The following ZMYM1 variants were observed in gnomAD, a reference collection of about 807,000 sequenced individuals.
ZMYM1 encodes zinc finger MYM-type containing 1, also known as zinc finger MYM-type protein 1.
In ZMYM1, 39 loss-of-function variants were observed where a neutral mutation model predicts 60.0. The observed-to-expected ratio is 0.65, with a 90% confidence interval of 0.50 to 0.85. The LOEUF is 0.85. Ranked by LOEUF, ZMYM1 falls within the 40% of genes least tolerant of loss-of-function variation. The pLI, the probability that ZMYM1 is intolerant of heterozygous loss-of-function variation, is 0.00. For missense variants in ZMYM1, 1,171 were observed against 1,309.5 expected (o/e 0.89, Z 1.63); for synonymous variants, 413 against 454.0 (o/e 0.91, Z 1.15).
intron 7 of ZMYM1, 120 bp downstream of exon 7, chr1:35,110,567 C>G (rs1644054243): frequency 1.1e-6 from 1 of 871,366 alleles, no homozygotes; most frequent in Non-Finnish European, 1.5e-6. Context: ...TCAAAACAAT[C>G]TAAACTTGTT....
chr1:35,107,201 C>T (rs1260674033), intron 6 of ZMYM1, among the ~76,000 whole-genome samples: 1 of 148,194 alleles, frequency 6.7e-6, no homozygotes, highest in Non-Finnish European at 1.5e-5. Context: ...TGGGTCACGC[C>T]TGTAATCCCA....
At chr1:35,074,777 A>C (rs1284426278), upstream of ZMYM1, among the ~76,000 whole-genome samples, 1 of 151,720 alleles carries the variant, frequency 6.6e-6, no homozygotes, top group Non-Finnish European at 1.5e-5. Flanking sequence ...CCGTACTGTT[A>C]TTGTATGCAG....
Position 35,113,767 on chromosome 1 carries a change from T to C in ZMYM1, c.1937T>C (p.Ile646Thr). 1 of 1,613,982 alleles carries C rather than the reference T, an allele frequency of 6.2e-7. No homozygotes were observed. The highest frequency in any genetic ancestry group is 8.5e-7 in the Non-Finnish European group (1 of 1,179,882). The change falls in exon 10 of 10, where the codon ATA (isoleucine) becomes ACA (threonine). Residue 646 changes from isoleucine (I) to threonine (T), a missense_variant. By Grantham distance (89) the Ile-to-Thr change is moderately conservative. Coordinates refer to ENST00000359858, the MANE Select transcript of ZMYM1 (RefSeq NM_024772.5). ...EINDSSAFSI[I>T]CDETINSAMK... Reference sequence around the variant, plus strand: ...AATGACTCCTCAGCATTTTCAATCATATGTGATGAGACAATCAATAGTGCC... The same window carrying C: ...AATGACTCCTCAGCATTTTCAATCACATGTGATGAGACAATCAATAGTGCC...
intron 1 of ZMYM1, among the ~76,000 whole-genome samples, chr1:35,073,284 G>A (rs1642101950): frequency 3.6e-5 from 4 of 110,606 alleles, no homozygotes; most frequent in South Asian, 2.8e-4. Flanking sequence ...AAAGAAGGAA[G>A]GAAAGGAAAG....
chr1:35,099,334 G>T (rs1643514245), intron 4 of ZMYM1, among the ~76,000 whole-genome samples: 1 of 152,042 alleles, frequency 6.6e-6, no homozygotes, highest in Non-Finnish European at 1.5e-5. Flanking sequence ...TCTTCAGCCT[G>T]CTTTCTCTCC....
chr1:35,091,117 T>C (rs1193592148), intron 1 of ZMYM1, among the ~76,000 whole-genome samples: 2 of 152,070 alleles, frequency 1.3e-5, no homozygotes, highest in Non-Finnish European at 2.9e-5. Flanking sequence ...TTTGTGGGGG[T>C]AATAAAAGAA....
intron 6 of ZMYM1, among the ~76,000 whole-genome samples, chr1:35,109,746 C>CTT (rs879736798): frequency 6.9e-5 from 10 of 144,866 alleles, no homozygotes; most frequent in South Asian, 4.4e-4. Flanking sequence ...TTCTTCATTG[C>CTT]TTTTTTTTTT....
chr1:35,082,557 C>G (rs1220280075), intron 1 of ZMYM1, among the ~76,000 whole-genome samples: 1 of 151,614 alleles, frequency 6.6e-6, no homozygotes, highest in Non-Finnish European at 1.5e-5. Context: ...TCACGAACTC[C>G]TGACCTCAAG....
At chr1:35,094,226 G>C (rs1409600060) in intron 2 of ZMYM1, 143 bp downstream of exon 2, 1 of 589,436 alleles carries the variant, frequency 1.7e-6, no homozygotes, top group South Asian at 2.4e-5. Flanking sequence ...AAGGTATATG[G>C]TGTTAAGTGC....
At chr1:35,088,215 C>G (rs560644588) in intron 1 of ZMYM1, among the ~76,000 whole-genome samples, 121 of 151,818 alleles carry the variant, frequency 8.0e-4, no homozygotes, top group African/African-American at 2.8e-3. Flanking sequence ...GTCAGGTGAT[C>G]GAGACCATCC....
chr1:35,072,126 C>T (rs112153217), intron 1 of ZMYM1, among the ~76,000 whole-genome samples: 3,484 of 152,218 alleles, frequency 0.023, 161 homozygotes, highest in African/African-American at 0.08. Flanking sequence ...AAGAGAGAAA[C>T]TCCATGTCAA....
At chr1:35,091,138 C>T (rs932149404) in intron 1 of ZMYM1, among the ~76,000 whole-genome samples, 8 of 152,242 alleles carry the variant, frequency 5.3e-5, no homozygotes, top group Admixed American at 3.9e-4. Flanking sequence ...TATAGTTTTA[C>T]TGAGGCAAGA....
At chr1:35,116,454 A>G (rs1215501208), downstream of ZMYM1, among the ~76,000 whole-genome samples, 1 of 152,156 alleles carries the variant, frequency 6.6e-6, no homozygotes, top group African/African-American at 2.4e-5. Context: ...TTATACTTCA[A>G]AAAAGTTTTG....
upstream of ZMYM1, among the ~76,000 whole-genome samples, chr1:35,078,513 G>T (rs1199314797): frequency 1.5e-5 from 2 of 131,738 alleles, no homozygotes; most frequent in Non-Finnish European, 3.3e-5. Context: ...CATTATTTTT[G>T]ACATGCAGTT....
chr1:35,094,947 A>G (rs936669797), intron 2 of ZMYM1, among the ~76,000 whole-genome samples: 2 of 152,176 alleles, frequency 1.3e-5, no homozygotes, highest in African/African-American at 2.4e-5. Context: ...TATTTGTAGT[A>G]TTCTATTTAG....
Position 35,113,905 on chromosome 1 carries a change from AC to A in ZMYM1, c.2076del (p.Leu693TyrfsTer30). The A allele has an allele frequency of 6.2e-7, 1 of 1,613,932 alleles. No homozygotes were observed. Among genetic ancestry groups the A allele is most frequent in the Non-Finnish European group, 8.5e-7 (1 of 1,179,900 alleles). ...FVDTEEMTGT[H>X]LHRTIKTYLQ... ...GATACTGAGGAGATGACTGGGACCC[AC>A]TTACATAGGACTATCAAAACTTATC... On this transcript the variant is annotated frameshift_variant, in exon 10 of 10. Transcript: ENST00000359858. LOFTEE classifies it low-confidence loss of function (END_TRUNC).
chr1:35,069,502 A>G (rs960387913), intron 1 of ZMYM1, among the ~76,000 whole-genome samples: 1 of 152,164 alleles, frequency 6.6e-6, no homozygotes, highest in Non-Finnish European at 1.5e-5. Context: ...TGTCAGATGT[A>G]TAGTTTGCAA....
intron 3 of ZMYM1, among the ~76,000 whole-genome samples, chr1:35,096,865 A>G (rs528461831): frequency 7.2e-5 from 11 of 152,246 alleles, no homozygotes; most frequent in Non-Finnish European, 1.2e-4. Context: ...ATGCCCAGCT[A>G]ATTTTTATAG....
intron 1 of ZMYM1, among the ~76,000 whole-genome samples, chr1:35,087,784 C>T (rs1174343936): frequency 6.6e-6 from 1 of 151,806 alleles, no homozygotes; most frequent in Non-Finnish European, 1.5e-5. Flanking sequence ...GAATATGGGC[C>T]GAGGGCAGTG....
Sources: gnomAD v4.1 joint callset for allele counts (sites outside exome capture counted in the v4.1 genomes callset) on GRCh38, gnomAD v4.1.1 for gene constraint, MANE v1.5 for transcripts, NCBI Gene and HGNC (gene_info 2026-07-23, HGNC 2026-07-21) for gene names.